The following ATP9A variants were observed in gnomAD, a reference collection of about 807,000 sequenced individuals.
ATP9A encodes the protein probable phospholipid-transporting ATPase IIA.
Under a neutral mutation model 144.1 loss-of-function variants are expected in ATP9A, and 52 were observed. The ratio of observed to expected loss-of-function variants is 0.36; its 90% CI spans 0.29 to 0.45. ATP9A has a LOEUF of 0.45. ATP9A is among the 20% of genes least tolerant of loss of function. ATP9A has a pLI of 1.00. For synonymous variants in ATP9A, 582 were observed against 557.4 expected, an observed-to-expected ratio of 1.04 and a Z score of -0.62; for missense variants, 947 against 1,392.7, an observed-to-expected ratio of 0.68 and a Z score of 5.09.
At chr20:51,667,705 A>T (rs1372478810) in intron 13 of ATP9A, among the ~76,000 whole-genome samples, 2 of 152,054 alleles carry the variant, frequency 1.3e-5, no homozygotes, top group African/African-American at 4.8e-5. Context: ...GTCACGGCAG[A>T]CAGGCGAGGA....
intron 9 of ATP9A, among the ~76,000 whole-genome samples, chr20:51,679,435 A>T (rs558453668): frequency 2.6e-5 from 4 of 152,166 alleles, no homozygotes; most frequent in Non-Finnish European, 5.9e-5. Context: ...CTGAGGAACA[A>T]CCACCTCTTA....
In ATP9A at chr20:51,693,990, G is replaced by A; in HGVS notation, c.642+18C>T. On this transcript the variant is annotated intron_variant, in intron 7 of 27. Transcript: ENST00000338821. ...AGATAGGTTGCCCGCATGGGCTTCT[G>A]CAGGGAAAGCTACTCACGGCGGCCG... 1 of 1,608,436 alleles carries A rather than the reference G, an allele frequency of 6.2e-7. No homozygotes were observed. The highest frequency in any genetic ancestry group is 8.5e-7 in the Non-Finnish European group (1 of 1,176,388).
intron 1 of ATP9A, among the ~76,000 whole-genome samples, chr20:51,743,388 C>A (rs546949447): frequency 3.2e-3 from 379 of 119,578 alleles, no homozygotes; most frequent in Non-Finnish European, 4.8e-3. Context: ...GCTGCAAGAC[C>A]GAAACTGATT....
At chr20:51,745,262 G>A (rs1188098905) in intron 1 of ATP9A, among the ~76,000 whole-genome samples, 1 of 127,214 alleles carries the variant, frequency 7.9e-6, no homozygotes, top group Non-Finnish European at 1.6e-5. Context: ...GCGAGACTCC[G>A]TCTAAAAAAA....
intron 18 of ATP9A, among the ~76,000 whole-genome samples, chr20:51,622,929 T>C (rs994131435): frequency 6.6e-6 from 1 of 152,136 alleles, no homozygotes; most frequent in Non-Finnish European, 1.5e-5. Context: ...ATCATGACAA[T>C]TGTCTCCTGA....
At chr20:51,759,635 T>TA (rs1340023030) in intron 1 of ATP9A, among the ~76,000 whole-genome samples, 1 of 152,014 alleles carries the variant, frequency 6.6e-6, no homozygotes, top group Non-Finnish European at 1.5e-5. Context: ...ATCGCACCAC[T>TA]ACACTCCATC....
intron 13 of ATP9A, among the ~76,000 whole-genome samples, chr20:51,666,977 C>T (rs997878469): frequency 2.0e-5 from 3 of 152,116 alleles, no homozygotes; most frequent in Admixed American, 6.5e-5. Flanking sequence ...TTAGACATCA[C>T]GAGAGAAAGA....
intron 13 of ATP9A, among the ~76,000 whole-genome samples, chr20:51,661,116 A>G (rs1021595515): frequency 6.6e-6 from 1 of 152,226 alleles, no homozygotes; most frequent in African/African-American, 2.4e-5. Flanking sequence ...AGTCATTTAT[A>G]GCATCCCAGC....
At chr20:51,689,019 T>C (rs750609292) in intron 9 of ATP9A, 45 bp downstream of exon 9, 43 of 1,577,522 alleles carry the variant, frequency 2.7e-5, no homozygotes, top group Non-Finnish European at 3.7e-5. Flanking sequence ...AAGGATTTTC[T>C]TTCCTTTTCA....
intron 6 of ATP9A, among the ~76,000 whole-genome samples, chr20:51,695,861 C>G (rs1170792690): frequency 2.0e-5 from 3 of 152,198 alleles, no homozygotes; most frequent in African/African-American, 7.2e-5. Flanking sequence ...ACTTTACCAG[C>G]TGTGAGTCAG....
chr20:51,671,372 A>G, intron 11 of ATP9A, 115 bp from the exon 12 acceptor site: 1 of 1,255,206 alleles, frequency 8.0e-7, no homozygotes, highest in South Asian at 1.4e-5. Flanking sequence ...CACTCCCTGC[A>G]GAAGCACACT....
chr20:51,749,752 C>T (rs1601144022), intron 1 of ATP9A, among the ~76,000 whole-genome samples: 1 of 152,062 alleles, frequency 6.6e-6, no homozygotes, highest in African/African-American at 2.4e-5. Context: ...GGGTAGCTGA[C>T]TAGAGAGAGT....
chr20:51,709,463 C>T (rs180851049), intron 4 of ATP9A, among the ~76,000 whole-genome samples: 1 of 152,028 alleles, frequency 6.6e-6, no homozygotes, highest in South Asian at 2.1e-4. Context: ...TGCAGTGAGC[C>T]GAGATCGCGC....
intron 4 of ATP9A, among the ~76,000 whole-genome samples, chr20:51,702,597 G>T (rs969591072): frequency 5.9e-5 from 9 of 152,016 alleles, no homozygotes; most frequent in Non-Finnish European, 1.0e-4. Context: ...CAAGTTGGTA[G>T]GGAGAAAGAG....
rs1344086660 is a variant in ATP9A, at chr20:51,611,555, G to A, written c.2572-1390C>T. On this transcript the variant is annotated intron_variant, in intron 23 of 27. Coordinates refer to ENST00000338821, the MANE Select transcript of ATP9A (RefSeq NM_006045.3). The surrounding 1 kb of genome is among the most constrained non-coding windows in gnomAD (Gnocchi z 4.2). The stretch of plus-strand genomic sequence containing the variant: ...CAATTCTAACTGGGACTTGCTCTCG[G>A]CCATTTTCAGCACAGTGGACAGGGG... Among the ~76,000 whole-genome samples the A allele has an allele frequency of 6.6e-6, 1 of 152,172 alleles. No individual in the cohort carries two copies. Among genetic ancestry groups the A allele is most frequent in the Non-Finnish European group, 1.5e-5 (1 of 68,034 alleles).
At chr20:51,702,156 G>A (rs530845352) in intron 4 of ATP9A, among the ~76,000 whole-genome samples, 168 of 151,726 alleles carry the variant, frequency 1.1e-3, no homozygotes, top group Non-Finnish European at 1.8e-3. Flanking sequence ...AAAATTAGCC[G>A]GGCGTGGTGG....
intron 15 of ATP9A, among the ~76,000 whole-genome samples, chr20:51,635,732 C>CAGAAGGAA (rs2077287952): frequency 7.3e-6 from 1 of 137,888 alleles, no homozygotes; most frequent in African/African-American, 2.7e-5. Context: ...GCAAGATGGA[C>CAGAAGGAA]GGAAGGAAGG....
At chr20:51,672,776 G>A (rs1292602859) in intron 11 of ATP9A, among the ~76,000 whole-genome samples, 1 of 152,098 alleles carries the variant, frequency 6.6e-6, no homozygotes, top group African/African-American at 2.4e-5. Context: ...GAAGCAAACA[G>A]AACAATATGG....
intron 14 of ATP9A, among the ~76,000 whole-genome samples, chr20:51,655,383 C>A (rs1478887986): frequency 6.6e-5 from 10 of 152,140 alleles, no homozygotes; most frequent in Admixed American, 6.6e-4. Flanking sequence ...CCACTGCACT[C>A]CAACCTGAGT....
Sources: gnomAD v4.1 joint callset for allele counts (sites outside exome capture counted in the v4.1 genomes callset) on GRCh38, gnomAD v4.1.1 for gene constraint, Gnocchi (gnomAD v3.1) non-coding constraint, MANE v1.5 for transcripts, NCBI Gene and HGNC (gene_info 2026-07-23, HGNC 2026-07-21) for gene names.